Variants in SNTG1 observed in about 807,000 individuals in gnomAD.
SNTG1 encodes the protein gamma-1-syntrophin.
In SNTG1, 39 loss-of-function variants were observed where a neutral mutation model predicts 74.7. That is an observed-to-expected ratio of 0.52 (90% confidence interval 0.40 to 0.68). SNTG1 has a LOEUF of 0.68. Ranked by LOEUF, SNTG1 falls within the 30% of genes least tolerant of loss-of-function variation. The pLI, the probability that SNTG1 is intolerant of heterozygous loss-of-function variation, is 0.00. For synonymous variants in SNTG1, 254 were observed against 217.1 expected, an observed-to-expected ratio of 1.17 and a Z score of -1.49; for missense variants, 685 against 609.5, an observed-to-expected ratio of 1.12 and a Z score of -1.30.
chr8:49,945,157 A>G lies in SNTG1; in HGVS notation c.-103+32926A>G, dbSNP rs572948541. Among the ~76,000 whole-genome samples the G allele has an allele frequency of 4.8e-4, 73 of 152,324 alleles. 1 individual carries two copies. The South Asian group carries it at 8.1e-3, about 17-fold the overall frequency. ...CTAATAATCATAGATTTAGTACCCT[A>G]CTTAAGATACCTGGTCATTTATTTC... is the stretch of plus-strand genomic sequence containing the variant. On this transcript the variant is annotated intron_variant, in intron 1 of 18. Coordinates refer to ENST00000642720, the MANE Select transcript of SNTG1 (RefSeq NM_018967.5).
rs537563939 is a variant in SNTG1, at chr8:49,936,238, T to A, written c.-103+24007T>A. Among the ~76,000 whole-genome samples, 6 of 152,284 alleles carry A rather than the reference T, an allele frequency of 3.9e-5. No individual in the cohort carries two copies. The East Asian group carries it at 1.2e-3, about 29-fold the overall frequency. On this transcript the variant is annotated intron_variant, in intron 1 of 18. Transcript: ENST00000642720. ...TGTTGTCAGCTGACTTAACGCCTTTTAAAAAATAAATTTTATAATTGATTT... is the reference window on the plus strand; with the variant it reads ...TGTTGTCAGCTGACTTAACGCCTTTAAAAAAATAAATTTTATAATTGATTT...
chr8:50,067,643 T>C lies in SNTG1; in HGVS notation c.-102-104918T>C, dbSNP rs75397686. Among the ~76,000 whole-genome samples the C allele has an allele frequency of 5.4e-3, 829 of 152,348 alleles. 2 individuals are homozygous for C. The highest frequency in any genetic ancestry group is 8.5e-3 in the Non-Finnish European group (577 of 68,026). On this transcript the variant is annotated intron_variant, in intron 1 of 18. Transcript: ENST00000642720. ...GGTAGTTATGACTCATGTATTATTT[T>C]TGTTAGGTACAAACCCACAGTTGAC...
intron 1 of SNTG1, among the ~76,000 whole-genome samples, chr8:49,947,569 C>A (rs554952503): frequency 6.6e-6 from 1 of 152,290 alleles, no homozygotes; most frequent in African/African-American, 2.4e-5. Flanking sequence ...ATTCTAATAT[C>A]ACAAAGATGT....
chr8:49,917,987 C>A (rs568973024), intron 1 of SNTG1, among the ~76,000 whole-genome samples: 6 of 152,178 alleles, frequency 3.9e-5, no homozygotes, highest in African/African-American at 1.4e-4. Flanking sequence ...TTGCATGTAG[C>A]GAAACAGACT....
chr8:50,744,343 A>G (rs1341386775), intron 17 of SNTG1, among the ~76,000 whole-genome samples: 3 of 152,066 alleles, frequency 2.0e-5, no homozygotes, highest in Non-Finnish European at 2.9e-5. Flanking sequence ...ACAATAACAT[A>G]AAGAGAATAA....
intron 1 of SNTG1, among the ~76,000 whole-genome samples, chr8:49,946,972 C>T (rs762330024): frequency 5.3e-5 from 8 of 152,110 alleles, no homozygotes; most frequent in African/African-American, 1.7e-4. Context: ...TTTAGCAATT[C>T]GTAATAGCTA....
chr8:50,687,083 C>A (rs1485477952), intron 15 of SNTG1, among the ~76,000 whole-genome samples: 1 of 149,106 alleles, frequency 6.7e-6, no homozygotes, highest in South Asian at 2.1e-4. Flanking sequence ...TGCAGTGAGC[C>A]GAGATTGCGC....
At chr8:50,790,850 A>G (rs536090093) in intron 18 of SNTG1, among the ~76,000 whole-genome samples, 6 of 151,926 alleles carry the variant, frequency 3.9e-5, no homozygotes, top group Non-Finnish European at 8.8e-5. Context: ...ATACTTAGAT[A>G]TTTAAGGGTT....
chr8:50,260,842 A>G (rs925973595), intron 2 of SNTG1, among the ~76,000 whole-genome samples: 2 of 152,142 alleles, frequency 1.3e-5, no homozygotes, highest in Non-Finnish European at 2.9e-5. Context: ...GAGAATGAAC[A>G]TGATTGAAGA....
intron 8 of SNTG1, among the ~76,000 whole-genome samples, chr8:50,464,108 G>A (rs749953096): frequency 1.2e-4 from 18 of 152,128 alleles, no homozygotes; most frequent in Non-Finnish European, 2.4e-4. Context: ...TTAGGGCCTT[G>A]CTCTGGATTA....
At chr8:50,602,808 C>T (rs145773159) in intron 13 of SNTG1, among the ~76,000 whole-genome samples, 1,929 of 151,930 alleles carry the variant, frequency 0.013, 45 homozygotes, top group African/African-American at 0.043. Flanking sequence ...TTTCCTTCAT[C>T]GCTTTAAACA....
At chr8:50,771,676 G>A (rs773604470) in intron 18 of SNTG1, among the ~76,000 whole-genome samples, 1 of 152,028 alleles carries the variant, frequency 6.6e-6, no homozygotes, top group Non-Finnish European at 1.5e-5. Context: ...AAATAATGGG[G>A]AAAATCCCTA....
intron 2 of SNTG1, among the ~76,000 whole-genome samples, chr8:50,233,334 G>A (rs141294657): frequency 1.8e-4 from 28 of 151,656 alleles, no homozygotes; most frequent in African/African-American, 6.0e-4. Flanking sequence ...AAAAAATGGT[G>A]CTGGTAACAA....
intron 13 of SNTG1, among the ~76,000 whole-genome samples, chr8:50,608,187 T>C (rs1283629261): frequency 6.6e-6 from 1 of 151,762 alleles, no homozygotes; most frequent in African/African-American, 2.4e-5. Context: ...TTGGAATCAA[T>C]AGTATTTTTC....
chr8:50,318,546 G>C (rs1422697401), intron 2 of SNTG1, among the ~76,000 whole-genome samples: 1 of 152,092 alleles, frequency 6.6e-6, no homozygotes, highest in Non-Finnish European at 1.5e-5. Flanking sequence ...TACAAATGGC[G>C]CTGTGTGACT....
intron 18 of SNTG1, among the ~76,000 whole-genome samples, chr8:50,768,198 G>T (rs1048459106): frequency 5.9e-5 from 9 of 151,876 alleles, no homozygotes. Context: ...AATATATTAA[G>T]TATTAGTGAA....
At chr8:50,062,120 T>G (rs150060840) in intron 1 of SNTG1, among the ~76,000 whole-genome samples, 43 of 152,294 alleles carry the variant, frequency 2.8e-4, no homozygotes, top group African/African-American at 1.0e-3. Flanking sequence ...CTCGCCTCAT[T>G]GCAACCTGCA....
At chr8:50,536,201 G>A (rs2094306027) in intron 10 of SNTG1, among the ~76,000 whole-genome samples, 1 of 152,076 alleles carries the variant, frequency 6.6e-6, no homozygotes, top group Non-Finnish European at 1.5e-5. Flanking sequence ...TTGTTTTATA[G>A]GAAAGCTTAT....
chr8:50,680,512 G>A (rs980143526), intron 15 of SNTG1, among the ~76,000 whole-genome samples: 8 of 152,040 alleles, frequency 5.3e-5, no homozygotes, highest in Non-Finnish European at 1.0e-4. Context: ...GTTCTTAGTA[G>A]GCATCATTTT....
Sources: allele counts gnomAD v4.1 joint callset (sites outside exome capture counted in the v4.1 genomes callset), GRCh38; gene constraint gnomAD v4.1.1; transcripts MANE v1.5; gene names NCBI Gene and HGNC (gene_info 2026-07-23, HGNC 2026-07-21).